ANKRD30B: variants seen among roughly 807,000 people sequenced by gnomAD.
The protein encoded by ANKRD30B is ankyrin repeat domain 30B.
A neutral mutation model predicts 202.2 loss-of-function variants in ANKRD30B; 144 were observed. The ratio of observed to expected loss-of-function variants is 0.71; its 90% CI spans 0.62 to 0.82. The LOEUF (loss-of-function observed/expected upper bound fraction) is 0.82, where lower values mean the gene tolerates loss of function less well. Among genes scored for constraint, ANKRD30B ranks in the 40% least tolerant of loss-of-function variants. ANKRD30B has a pLI of 0.00. For synonymous variants in ANKRD30B, 508 were observed against 561.3 expected (o/e 0.91, Z 1.34); for missense variants, 1,487 against 1,669.1 (o/e 0.89, Z 1.90).
intron 33 of ANKRD30B, 128 bp from the exon 34 acceptor site, chr18:14,831,255 A>T: frequency 2.1e-5 from 10 of 482,328 alleles, no homozygotes; most frequent in East Asian, 9.5e-5. Flanking sequence ...TAATATATTG[A>T]GGACTGATCT....
the ANKRD30B span, among the ~76,000 whole-genome samples, chr18:14,892,225 T>A: frequency 6.6e-6 from 1 of 152,336 alleles, no homozygotes; most frequent in East Asian, 1.9e-4. Flanking sequence ...TCTTTCATGA[T>A]CAGTTATTAG....
chr18:14,849,324 T>A (rs958136516), intron 40 of ANKRD30B, among the ~76,000 whole-genome samples: 1 of 151,788 alleles, frequency 6.6e-6, no homozygotes, highest in Non-Finnish European at 1.5e-5. Context: ...TATAGGAATT[T>A]TTAAAAAGTT....
chr18:14,871,261 C>G, the ANKRD30B span, among the ~76,000 whole-genome samples: 1 of 124,556 alleles, frequency 8.0e-6, no homozygotes, highest in Admixed American at 8.5e-5. Flanking sequence ...GCAGCTTCCC[C>G]TACATTCGCT....
At chr18:14,858,756 CA>C (rs565181295), downstream of ANKRD30B, among the ~76,000 whole-genome samples, 126 of 143,646 alleles carry the variant, frequency 8.8e-4, 1 homozygote, top group Middle Eastern at 3.6e-3. Flanking sequence ...CCTCACCTCC[CA>C]GGGGGGGCAG....
intron 15 of ANKRD30B, 123 bp from the exon 16 acceptor site, chr18:14,791,278 A>G (rs1414798675): frequency 1.3e-6 from 1 of 754,876 alleles, no homozygotes; most frequent in East Asian, 2.8e-5. Flanking sequence ...GTGTACTCTT[A>G]AGTCGAATTG....
At chr18:14,832,061 T>C (rs1449513230) in intron 34 of ANKRD30B, among the ~76,000 whole-genome samples, 1 of 152,176 alleles carries the variant, frequency 6.6e-6, no homozygotes, top group African/African-American at 2.4e-5. Context: ...ACCAAAATAA[T>C]ATTAGAAATT....
rs1971826213 is a variant in ANKRD30B at position 14,850,232 on chromosome 18, A to G, written c.3414A>G (p.Glu1138=). 1.3e-6 allele frequency: 2 copies of G among 1,554,260 alleles called. No homozygotes were observed. Among genetic ancestry groups the G allele is most frequent in the South Asian group, 2.5e-5 (2 of 80,568 alleles). ...LCSVRLTLNQ[E]EEKRRNVDIL... ...ATGGCAGATTGACTTTAAATCAAGA[A>G]GAAGAGAAGAGAAGAAATGTCGATA... Residue 1138 remains glutamate (E), a synonymous_variant, in exon 41 of 44, where the codon GAA becomes GAG. Transcript: ENST00000690538.
At position 14,782,601 on chromosome 18, in the gene ANKRD30B, TA is replaced by T; in HGVS notation, c.1558del (p.Arg520GlufsTer3). On this transcript the variant is annotated frameshift_variant, in exon 12 of 44. Coordinates refer to ENST00000690538, the MANE Select transcript of ANKRD30B (RefSeq NM_001367607.2). LOFTEE classifies it high-confidence loss of function. Reference sequence around the variant, plus strand: ...TGTATCAGAAAGTAATGGAGATAAATAGAGAAGTAGAAGGTAAGAACAACTT... The same window carrying T: ...TGTATCAGAAAGTAATGGAGATAAATGAGAAGTAGAAGGTAAGAACAACTT... ...SMYQKVMEIN[R>X]EVEELPEKPS... 2.5e-6 allele frequency: 4 copies of T among 1,574,150 alleles called. No individual in the cohort carries two copies. Among genetic ancestry groups the T allele is most frequent in the Non-Finnish European group, 2.6e-6 (3 of 1,164,830 alleles).
intron 7 of ANKRD30B, 148 bp from the exon 8 acceptor site, chr18:14,769,195 C>T (rs966178615): frequency 7.4e-6 from 4 of 543,856 alleles, no homozygotes; most frequent in Non-Finnish European, 1.3e-5. Flanking sequence ...TTTCAGACTC[C>T]TGGGCTCCTC....
the ANKRD30B span, among the ~76,000 whole-genome samples, chr18:14,880,565 G>A: frequency 2.3e-5 from 1 of 43,206 alleles, no homozygotes; most frequent in South Asian, 1.8e-3. Flanking sequence ...TTTCTTTCTT[G>A]GTTTTTTTTT....
the ANKRD30B span, among the ~76,000 whole-genome samples, chr18:14,920,872 G>C: frequency 6.6e-6 from 1 of 152,234 alleles, no homozygotes; most frequent in East Asian, 1.9e-4. Flanking sequence ...GCAAGTGCAT[G>C]TAAGATTGGC....
chr18:14,907,942 C>A, the ANKRD30B span, among the ~76,000 whole-genome samples: 1 of 151,978 alleles, frequency 6.6e-6, no homozygotes, highest in Non-Finnish European at 1.5e-5. Context: ...CAGAAGGTTT[C>A]ATAATTTGAG....
chr18:14,910,377 C>T, the ANKRD30B span, among the ~76,000 whole-genome samples: 1 of 151,912 alleles, frequency 6.6e-6, no homozygotes, highest in Non-Finnish European at 1.5e-5. Context: ...AGGATAATGG[C>T]CTCCAGTTTC....
chr18:14,836,805 A>G (rs1049233214), intron 34 of ANKRD30B, among the ~76,000 whole-genome samples: 3 of 151,684 alleles, frequency 2.0e-5, no homozygotes, highest in African/African-American at 7.3e-5. Context: ...TGCACATGCT[A>G]TTGCACCTAG....
the ANKRD30B span, among the ~76,000 whole-genome samples, chr18:14,902,281 A>C: frequency 2.0e-5 from 3 of 152,176 alleles, no homozygotes; most frequent in Admixed American, 6.5e-5. Flanking sequence ...ATAGGCTTGC[A>C]GTAAGTAAAG....
At chr18:14,883,696 G>A in the ANKRD30B span, 1 of 151,186 alleles carries the variant, frequency 6.6e-6, no homozygotes, top group Non-Finnish European at 1.5e-5. Flanking sequence ...TGAGTCTGAT[G>A]GCAGGGTAAT....
At chr18:14,755,757 T>A (rs1156293559) in intron 4 of ANKRD30B, among the ~76,000 whole-genome samples, 1 of 152,178 alleles carries the variant, frequency 6.6e-6, no homozygotes, top group African/African-American at 2.4e-5. Flanking sequence ...GGCTGCATAG[T>A]ATTCCATGGT....
At chr18:14,863,503 G>A in the ANKRD30B span, among the ~76,000 whole-genome samples, 1 of 151,810 alleles carries the variant, frequency 6.6e-6, no homozygotes, top group Admixed American at 6.6e-5. Context: ...GCAGGTGCTG[G>A]TCCCATGCTT....
intron 30 of ANKRD30B, among the ~76,000 whole-genome samples, chr18:14,817,808 CCTT>C (rs1365790748): frequency 2.0e-5 from 3 of 152,240 alleles, no homozygotes; most frequent in Non-Finnish European, 2.9e-5. Flanking sequence ...TCGAGAATGA[CCTT>C]CTCATCATAA....
Sources: allele counts gnomAD v4.1 joint callset (sites outside exome capture counted in the v4.1 genomes callset), GRCh38; gene constraint gnomAD v4.1.1; transcripts MANE v1.5; gene names NCBI Gene and HGNC (gene_info 2026-07-23, HGNC 2026-07-21).